ZCCHC8: variants seen among roughly 807,000 people sequenced by gnomAD.
ZCCHC8 encodes zinc finger CCHC-type containing 8, also known as zinc finger CCHC domain-containing protein 8.
ZCCHC8 carries 27 observed loss-of-function variants against 70.6 expected under a neutral mutation model. The observed-to-expected ratio is 0.38, with a 90% CI of 0.28 to 0.53. The LOEUF (loss-of-function observed/expected upper bound fraction) is 0.53, where lower values mean the gene tolerates loss of function less well. Among genes scored for constraint, ZCCHC8 ranks in the 20% least tolerant of loss-of-function variants. ZCCHC8 has a pLI of 0.81. For synonymous variants in ZCCHC8, 293 were observed against 317.4 expected, an observed-to-expected ratio of 0.92 and a Z score of 0.82; for missense variants, 737 against 876.9, an observed-to-expected ratio of 0.84 and a Z score of 2.01.
intron 7 of ZCCHC8, 140 bp from the exon 8 acceptor site, chr12:122,482,835 A>C (rs1957562365): frequency 1.5e-6 from 1 of 665,004 alleles, no homozygotes; most frequent in Non-Finnish European, 2.6e-6. Context: ...TGCAACAAGA[A>C]GTACACTTTA....
At chr12:122,478,722 T>A (rs1485794861) in intron 11 of ZCCHC8, among the ~76,000 whole-genome samples, 1 of 152,148 alleles carries the variant, frequency 6.6e-6, no homozygotes, top group East Asian at 1.9e-4. Flanking sequence ...TCTTTAAAGA[T>A]TCCACACAGC....
rs888772662 is a variant in ZCCHC8 at position 122,494,325 on chromosome 12, G to A, written c.243-1536C>T. Among the ~76,000 whole-genome samples, 22 of 151,982 alleles carry A rather than the reference G, an allele frequency of 1.4e-4. 1 individual carries two copies. Among genetic ancestry groups the A allele is most frequent in the South Asian group, 2.1e-4 (1 of 4,814 alleles). On this transcript the variant is annotated intron_variant, in intron 2 of 13. Transcript: ENST00000633063. The stretch of plus-strand genomic sequence containing the variant: ...TCCCAGCACTTTGGGAGGCAGAGGC[G>A]GGTGGATCACGAGGTCAGGAGTTCG...
intron 2 of ZCCHC8, among the ~76,000 whole-genome samples, 169 bp downstream of exon 2, chr12:122,498,658 C>T (rs1411454806): frequency 6.6e-6 from 1 of 152,156 alleles, no homozygotes; most frequent in Admixed American, 6.5e-5. Flanking sequence ...AGAATTCAGA[C>T]CTTATCCCCA....
Position 122,473,970 on chromosome 12 carries a change from C to T in ZCCHC8, c.1651G>A (p.Gly551Ser), listed in dbSNP as rs1957366010. Residue 551 changes from glycine to serine, a missense_variant, in exon 14 of 14, where the codon GGC becomes AGC. Physicochemically the swap from Gly to Ser is moderately conservative, Grantham distance 56. Coordinates refer to ENST00000633063, the MANE Select transcript of ZCCHC8 (RefSeq NM_017612.5). Reference protein sequence around the residue: ...SDVPVDTPLTGNSVASSPCPN... With the variant: ...SDVPVDTPLTSNSVASSPCPN... ...CAAGGTGATGAGGCAACGGAATTGC[C>T]AGTTAAAGGTGTGTCCACAGGAACG... is the stretch of plus-strand genomic sequence containing the variant. The T allele has an allele frequency of 6.2e-7, 1 of 1,603,030 alleles. No homozygotes were observed. The highest frequency in any genetic ancestry group is 8.5e-7 in the Non-Finnish European group (1 of 1,175,356).
In ZCCHC8 at chr12:122,490,541, A is replaced by G; in HGVS notation, c.344T>C (p.Phe115Ser). The change falls in exon 4 of 14, where the codon TTT (phenylalanine) becomes TCT (serine). Residue 115 changes from phenylalanine (F) to serine (S), a missense_variant. Coordinates refer to ENST00000633063, the MANE Select transcript of ZCCHC8 (RefSeq NM_017612.5). ...SKQYHQEIEE[F>S]VSNLVKRFEE... is the part of the protein sequence containing the mutation. ...AAATCTTTTTACTAAATTTGATACA[A>G]ATTCCTCTATTTCTTGATGATATTG... The G allele has an allele frequency of 6.2e-7, 1 of 1,609,994 alleles. No homozygotes were observed. The highest frequency in any genetic ancestry group is 8.5e-7 in the Non-Finnish European group (1 of 1,177,904).
rs1957834700 is a variant in ZCCHC8 at position 122,496,941 on chromosome 12, T to C, written c.242+1886A>G. 2.6e-5 allele frequency among the ~76,000 whole-genome samples: 4 copies of C among 151,752 alleles called. No individual in the cohort carries two copies. In the South Asian group the frequency reaches 6.2e-4, roughly 24 times the overall value. On this transcript the variant is annotated intron_variant, in intron 2 of 13. Transcript: ENST00000633063. Reference sequence around the variant, plus strand: ...GCGGGCAGATCATGATGTCAGGAGATCAAGACCATCCTGGCCAACACGGTG... The same window carrying C: ...GCGGGCAGATCATGATGTCAGGAGACCAAGACCATCCTGGCCAACACGGTG...
At chr12:122,474,391 T>A in intron 13 of ZCCHC8, 116 bp from the exon 14 acceptor site, 2 of 954,266 alleles carry the variant, frequency 2.1e-6, no homozygotes, top group Non-Finnish European at 1.4e-6. Flanking sequence ...ATAACTGGCT[T>A]AACATGAGGG....
chr12:122,494,787 G>A (rs1399802815), intron 2 of ZCCHC8, among the ~76,000 whole-genome samples: 3 of 152,276 alleles, frequency 2.0e-5, no homozygotes, highest in Non-Finnish European at 2.9e-5. Context: ...CAGGGGAGGC[G>A]GAGGTTGCAG....
chr12:122,499,137 T>C, intron 1 of ZCCHC8: 2 of 488,934 alleles, frequency 4.1e-6, no homozygotes, highest in Non-Finnish European at 7.3e-6. Context: ...CCAAAACCAT[T>C]ATTGAAGCAT....
Position 122,474,030 on chromosome 12 carries a change from G to T in ZCCHC8, c.1591C>A (p.Leu531Ile). ...EEQQRRIWAA[L>I]EQAESVNSDS... ...CTGTTTACGCTCTCGGCCTGCTCAA[G>T]AGCTGCCCAGATCCGCCTCTGCTGT... The change falls in exon 14 of 14, where the codon CTT becomes ATT. Residue 531 changes from leucine (L) to isoleucine (I), a missense_variant. Transcript: ENST00000633063. The T allele has an allele frequency of 6.5e-7, 1 of 1,540,126 alleles. No individual in the cohort carries two copies. The highest frequency in any genetic ancestry group is 1.3e-5 in the South Asian group (1 of 77,386).
chr12:122,483,532 A>C lies in ZCCHC8; in HGVS notation c.533T>G (p.Phe178Cys). ...VVGSVLYFTN[F>C]CLDKLGQPLL... ...CGGTTGCCCCAATTTATCAAGGCAA[A>C]AATTAGTAAAATACAGGACACTTCC... is the stretch of plus-strand genomic sequence containing the variant. The change falls in exon 6 of 14, where the codon TTT becomes TGT. Residue 178 changes from phenylalanine (F) to cysteine (C), a missense_variant. Coordinates refer to ENST00000633063, the MANE Select transcript of ZCCHC8 (RefSeq NM_017612.5). The surrounding 1 kb of genome is among the most constrained non-coding windows in gnomAD (Gnocchi z 4.4). The C allele has an allele frequency of 6.3e-7, 1 of 1,588,866 alleles. No individual in the cohort carries two copies. The highest frequency in any genetic ancestry group is 1.1e-5 in the South Asian group (1 of 87,196).
intron 2 of ZCCHC8, among the ~76,000 whole-genome samples, chr12:122,494,452 T>C (rs1370467768): frequency 6.6e-6 from 1 of 150,824 alleles, no homozygotes; most frequent in Non-Finnish European, 1.5e-5. Context: ...ACTCAGCTAC[T>C]CGGGAGGCTG....
chr12:122,497,305 G>C (rs1391030514), intron 2 of ZCCHC8, among the ~76,000 whole-genome samples: 1 of 152,058 alleles, frequency 6.6e-6, no homozygotes, highest in Non-Finnish European at 1.5e-5. Context: ...ACTTTGGGAG[G>C]TTGAGGTGGA....
At chr12:122,490,633 T>G (rs888251423) in intron 3 of ZCCHC8, 66 bp from the exon 4 acceptor site, 1 of 908,186 alleles carries the variant, frequency 1.1e-6, no homozygotes, top group East Asian at 2.6e-5. Context: ...TGAAGTCTTA[T>G]GCATTACTGT....
chr12:122,478,475 A>G (rs1365158340), intron 11 of ZCCHC8, 183 bp from the exon 12 acceptor site: 80 of 567,510 alleles, frequency 1.4e-4, no homozygotes, highest in Non-Finnish European at 3.1e-6. Flanking sequence ...TGCCTGCAAA[A>G]TAATTAAGAC....
chr12:122,478,137 C>T (rs995766631), intron 12 of ZCCHC8, 69 bp downstream of exon 12: 13 of 1,382,368 alleles, frequency 9.4e-6, no homozygotes, highest in African/African-American at 2.9e-5. Flanking sequence ...GGCTGTAAGA[C>T]GCTAATAAAT....
At position 122,494,501 on chromosome 12, in the gene ZCCHC8, A is replaced by C. The variant is rs528922707; in HGVS notation, c.243-1712T>G. 1.4e-4 allele frequency among the ~76,000 whole-genome samples: 21 copies of C among 151,342 alleles called. No individual in the cohort carries two copies. The South Asian group carries it at 4.4e-3, about 32-fold the overall frequency. ...CTTAAACCCAGGAGGTGGAGGTTGC[A>C]GTGAGCCAAGATTGTGCCACTGCAC... On this transcript the variant is annotated intron_variant, in intron 2 of 13. Coordinates refer to ENST00000633063, the MANE Select transcript of ZCCHC8 (RefSeq NM_017612.5).
At chr12:122,494,522 T>C (rs1441335597) in intron 2 of ZCCHC8, among the ~76,000 whole-genome samples, 1 of 145,228 alleles carries the variant, frequency 6.9e-6, no homozygotes, top group African/African-American at 2.6e-5. Flanking sequence ...ATTGTGCCAC[T>C]GCACTCCAGC....
chr12:122,475,934 T>C (rs1047655729), intron 13 of ZCCHC8, among the ~76,000 whole-genome samples: 2 of 152,230 alleles, frequency 1.3e-5, no homozygotes, highest in Admixed American at 6.5e-5. Context: ...ATCCTGCATC[T>C]GCACTTCCCT....
Sources: gnomAD v4.1 joint callset for allele counts (sites outside exome capture counted in the v4.1 genomes callset) on GRCh38, gnomAD v4.1.1 for gene constraint, Gnocchi (gnomAD v3.1) non-coding constraint, MANE v1.5 for transcripts, NCBI Gene and HGNC (gene_info 2026-07-23, HGNC 2026-07-21) for gene names.